The following CNBD1 variants were observed in gnomAD, a reference collection of about 807,000 sequenced individuals.
CNBD1 encodes the protein cyclic nucleotide binding domain containing 1, also known as cyclic nucleotide-binding domain-containing protein 1.
A neutral mutation model predicts 54.4 loss-of-function variants in CNBD1; 71 were observed. The observed-to-expected ratio is 1.30, with a 90% CI of 1.08 to 1.59. The LOEUF is 1.59. Among genes scored for constraint, CNBD1 ranks in the 40% most tolerant of loss-of-function variants. CNBD1 has a pLI of 0.00. For synonymous variants in CNBD1, 182 were observed against 170.7 expected (o/e 1.07, Z -0.51); for missense variants, 659 against 518.0 (o/e 1.27, Z -2.64).
In CNBD1 at chr8:86,866,477, C is replaced by G; in HGVS notation, c.-19C>G. Reference sequence around the variant, plus strand: ...TCTCAAGCAGCCTCTGGTCATCTATCTGCCTTTGAGCCATCAAGATGCCGA... The same window carrying G: ...TCTCAAGCAGCCTCTGGTCATCTATGTGCCTTTGAGCCATCAAGATGCCGA... On this transcript the variant is annotated 5_prime_UTR_variant, in exon 1 of 11. It adds an upstream start codon to the 5' untranslated region. Coordinates refer to ENST00000518476, the MANE Select transcript of CNBD1 (RefSeq NM_173538.3). 2.5e-6 allele frequency: 4 copies of G among 1,594,178 alleles called. No homozygotes were observed. Among genetic ancestry groups the G allele is most frequent in the Non-Finnish European group, 3.4e-6 (4 of 1,166,424 alleles).
At chr8:86,896,850 T>C (rs955479959) in intron 2 of CNBD1, among the ~76,000 whole-genome samples, 3 of 152,108 alleles carry the variant, frequency 2.0e-5, no homozygotes, top group African/African-American at 7.2e-5. Flanking sequence ...ACCTAAAGTA[T>C]GTAAATAATT....
intron 8 of CNBD1, among the ~76,000 whole-genome samples, chr8:87,324,169 G>A (rs1220780566): frequency 3.2e-5 from 4 of 125,248 alleles, no homozygotes; most frequent in East Asian, 2.0e-4. Flanking sequence ...GATCATGGTG[G>A]ATAAGCTTTT....
chr8:87,398,772 G>T (rs1343892613), intron 2 of CNBD1, among the ~76,000 whole-genome samples: 1 of 151,876 alleles, frequency 6.6e-6, no homozygotes, highest in Non-Finnish European at 1.5e-5. Flanking sequence ...AACATATTTT[G>T]CCTTAAGGCT....
chr8:87,025,956 T>C (rs1485912145), intron 4 of CNBD1, among the ~76,000 whole-genome samples: 1 of 152,224 alleles, frequency 6.6e-6, no homozygotes, highest in Non-Finnish European at 1.5e-5. Flanking sequence ...GAGCTCATGT[T>C]ATAACTGATA....
At chr8:87,262,120 T>C (rs528362771) in intron 6 of CNBD1, among the ~76,000 whole-genome samples, 3 of 152,220 alleles carry the variant, frequency 2.0e-5, no homozygotes, top group African/African-American at 7.2e-5. Context: ...TGCCACTGCA[T>C]TCCAGCCTGG....
chr8:87,171,351 G>T (rs1157822336), intron 4 of CNBD1, among the ~76,000 whole-genome samples: 2 of 151,792 alleles, frequency 1.3e-5, no homozygotes, highest in Non-Finnish European at 2.9e-5. Flanking sequence ...TTGAATTTCT[G>T]TGGTATTGGT....
chr8:87,207,754 G>A (rs969157399), intron 5 of CNBD1, among the ~76,000 whole-genome samples: 4 of 152,086 alleles, frequency 2.6e-5, no homozygotes, highest in East Asian at 1.9e-4. Context: ...CTTAACTCAC[G>A]TGATTGACGA....
At chr8:87,418,192 C>T (rs372589044) in intron 2 of CNBD1, among the ~76,000 whole-genome samples, 8 of 151,864 alleles carry the variant, frequency 5.3e-5, no homozygotes, top group African/African-American at 1.9e-4. Flanking sequence ...TAAGGATAGA[C>T]ATATGGGCTA....
At chr8:86,912,879 C>T (rs1479415910) in intron 3 of CNBD1, among the ~76,000 whole-genome samples, 3 of 151,752 alleles carry the variant, frequency 2.0e-5, no homozygotes, top group Non-Finnish European at 4.4e-5. Flanking sequence ...TGATCCTGAC[C>T]CTGTATAGGC....
At chr8:87,175,990 T>C (rs1282030262) in intron 4 of CNBD1, among the ~76,000 whole-genome samples, 1 of 152,160 alleles carries the variant, frequency 6.6e-6, no homozygotes, top group Non-Finnish European at 1.5e-5. Flanking sequence ...TGTCTTCTGC[T>C]GTGATAGGGC....
At chr8:86,981,917 G>T (rs1400966502) in intron 4 of CNBD1, among the ~76,000 whole-genome samples, 2 of 152,102 alleles carry the variant, frequency 1.3e-5, no homozygotes, top group Non-Finnish European at 2.9e-5. Context: ...GTTGTACTCT[G>T]GGTTAACACA....
chr8:87,248,878 A>T (rs1436277348), intron 6 of CNBD1, among the ~76,000 whole-genome samples: 1 of 152,170 alleles, frequency 6.6e-6, no homozygotes, highest in Non-Finnish European at 1.5e-5. Context: ...AGAGGCGTGA[A>T]CAGAAGTGGT....
intron 10 of CNBD1, among the ~76,000 whole-genome samples, chr8:87,362,146 T>G (rs550711814): frequency 6.6e-6 from 1 of 152,166 alleles, no homozygotes; most frequent in Non-Finnish European, 1.5e-5. Context: ...CTCAGTCAAG[T>G]TTTTCTGATC....
At chr8:86,873,609 CA>C (rs1808472610) in intron 1 of CNBD1, among the ~76,000 whole-genome samples, 1 of 152,070 alleles carries the variant, frequency 6.6e-6, no homozygotes, top group South Asian at 2.1e-4. Flanking sequence ...GCCTTGGCAA[CA>C]TAGTGAGACC....
intron 6 of CNBD1, 64 bp downstream of exon 6, chr8:87,237,176 C>T: frequency 1.1e-6 from 1 of 939,546 alleles, no homozygotes; most frequent in Non-Finnish European, 1.6e-6. Flanking sequence ...AAAACTTTAT[C>T]TCTTCCAGAC....
At chr8:87,347,745 C>G (rs1810203035) in intron 8 of CNBD1, among the ~76,000 whole-genome samples, 1 of 152,040 alleles carries the variant, frequency 6.6e-6, no homozygotes, top group South Asian at 2.1e-4. Flanking sequence ...TAGATGGCTC[C>G]ATAGACATAG....
rs1395585345 is a variant in CNBD1, at chr8:86,949,965, T to TTTTG, written c.431+10214_431+10215insGTTT. 1.3e-3 allele frequency among the ~76,000 whole-genome samples: 170 copies of TTTTG among 130,288 alleles called. 12 individuals are homozygous for TTTTG. The highest frequency in any genetic ancestry group is 2.3e-3 in the Non-Finnish European group (141 of 61,956). 85.5% of individuals were successfully genotyped at this position (130,288 alleles called of 152,430 possible). ...TCAAATGCTTTTTTTTTTTTTTTTT[T>TTTTG]TTTTTTTTTGAGATGGAGTCTCGCT... is the stretch of plus-strand genomic sequence containing the variant. On this transcript the variant is annotated intron_variant, in intron 4 of 10. Coordinates refer to ENST00000518476, the MANE Select transcript of CNBD1 (RefSeq NM_173538.3).
chr8:86,927,476 G>A (rs1809381827), intron 3 of CNBD1, among the ~76,000 whole-genome samples: 1 of 152,138 alleles, frequency 6.6e-6, no homozygotes, highest in African/African-American at 2.4e-5. Context: ...AGGTGACTCT[G>A]AAGTTACTAT....
chr8:87,209,612 A>G (rs1814050405), intron 5 of CNBD1, among the ~76,000 whole-genome samples: 2 of 152,286 alleles, frequency 1.3e-5, no homozygotes, highest in Non-Finnish European at 2.9e-5. Context: ...AAATTGATCT[A>G]TAGATTCAGT....
Sources: allele counts gnomAD v4.1 joint callset (sites outside exome capture counted in the v4.1 genomes callset), GRCh38; gene constraint gnomAD v4.1.1; transcripts MANE v1.5; gene names NCBI Gene and HGNC (gene_info 2026-07-23, HGNC 2026-07-21).